The following SRGAP1 variants were observed in gnomAD, a reference collection of about 807,000 sequenced individuals.
The protein encoded by SRGAP1 is SLIT-ROBO Rho GTPase-activating protein 1.
In SRGAP1, 43 loss-of-function variants were observed where a neutral mutation model predicts 121.9. The ratio of observed to expected loss-of-function variants is 0.35; its 90% CI spans 0.28 to 0.46. The LOEUF is 0.46. Among genes scored for constraint, SRGAP1 ranks in the 20% least tolerant of loss-of-function variants. The probability of loss-of-function intolerance (pLI) is 1.00; values close to 1 mark genes in which losing one functional copy is unlikely to be tolerated. For missense variants in SRGAP1, 1,102 were observed against 1,350.9 expected, an observed-to-expected ratio of 0.82 and a Z score of 2.89; for synonymous variants, 447 against 485.4, an observed-to-expected ratio of 0.92 and a Z score of 1.04.
intron 8 of SRGAP1, among the ~76,000 whole-genome samples, chr12:64,073,464 G>A (rs1234037723): frequency 6.6e-6 from 1 of 152,128 alleles, no homozygotes; most frequent in Non-Finnish European, 1.5e-5. Context: ...CAGATTTACA[G>A]ATTACAGTTG....
At chr12:63,998,928 A>G (rs1013603347) in intron 3 of SRGAP1, among the ~76,000 whole-genome samples, 10 of 152,186 alleles carry the variant, frequency 6.6e-5, no homozygotes, top group African/African-American at 2.2e-4. Context: ...GGGATACAGC[A>G]GTAACCAATA....
chr12:64,129,812 TA>T (rs1195747182), intron 21 of SRGAP1, among the ~76,000 whole-genome samples: 3 of 152,356 alleles, frequency 2.0e-5, no homozygotes, highest in African/African-American at 7.2e-5. Context: ...GATATTTTCC[TA>T]GTACAAGTGT....
chr12:63,932,266 G>A (rs1349800101), intron 1 of SRGAP1, among the ~76,000 whole-genome samples: 4 of 152,182 alleles, frequency 2.6e-5, no homozygotes, highest in Non-Finnish European at 5.9e-5. Context: ...GGACAACAGA[G>A]CTAGACTCTG....
intron 8 of SRGAP1, among the ~76,000 whole-genome samples, chr12:64,074,995 G>GCCA: frequency 6.6e-6 from 1 of 151,450 alleles, no homozygotes; most frequent in South Asian, 2.1e-4. Flanking sequence ...CATTACCAGA[G>GCCA]CCACATTTTG....
In SRGAP1 at chr12:64,067,080, T is replaced by C. The variant is rs114317127; in HGVS notation, c.1125+1861T>C. Among the ~76,000 whole-genome samples, 316 of 152,332 alleles carry C rather than the reference T, an allele frequency of 2.1e-3. 1 individual carries two copies. The highest frequency in any genetic ancestry group is 7.5e-3 in the African/African-American group (310 of 41,584). On this transcript the variant is annotated intron_variant, in intron 8 of 21. Transcript: ENST00000355086. ...CTCTGGCCCTGCACTGCCTCATGAA[T>C]TGAAGAGCTGGGGCATTTGAATCCT...
At chr12:64,016,689 C>T (rs2034410678) in intron 3 of SRGAP1, among the ~76,000 whole-genome samples, 1 of 152,146 alleles carries the variant, frequency 6.6e-6, no homozygotes, top group African/African-American at 2.4e-5. Flanking sequence ...AACCTGCTTA[C>T]TTTTTCTCTC....
At position 64,031,275 on chromosome 12, in the gene SRGAP1, A is replaced by C. The variant is rs1038900118; in HGVS notation, c.490-11515A>C. On this transcript the variant is annotated intron_variant, in intron 4 of 21. Coordinates refer to ENST00000355086, the MANE Select transcript of SRGAP1 (RefSeq NM_020762.4). ...GGAGGTTGCAGTGAGCCGAGATCAC[A>C]CCACTGCACTCCAGCCTGAGCGACA... is the stretch of plus-strand genomic sequence containing the variant. Among the ~76,000 whole-genome samples the C allele has an allele frequency of 6.2e-5, 9 of 144,922 alleles. No individual in the cohort carries two copies. The East Asian group carries it at 1.8e-3, about 29-fold the overall frequency.
rs765189176 is a variant in SRGAP1 at position 64,068,272 on chromosome 12, C to CAAA, written c.1125+3075_1125+3077dup. Among the ~76,000 whole-genome samples, 247 of 57,026 alleles carry CAAA rather than the reference C, an allele frequency of 4.3e-3. 4 individuals carry two copies. Among genetic ancestry groups the CAAA allele is most frequent in the African/African-American group, 0.01 (148 of 14,596 alleles). 37.4% of individuals were successfully genotyped at this position (57,026 alleles called of 152,430 possible). A position where few individuals can be genotyped will look rare whatever the true frequency, so the allele number is the denominator to read the frequency against. On this transcript the variant is annotated intron_variant, in intron 8 of 21. Coordinates refer to ENST00000355086, the MANE Select transcript of SRGAP1 (RefSeq NM_020762.4). ...TGGGCAACAGAGCAAAACTCTGTCTCAAAAAAAAAAAAAAAAAAAAAAAAG... is the reference window on the plus strand; with the variant it reads ...TGGGCAACAGAGCAAAACTCTGTCTCAAAAAAAAAAAAAAAAAAAAAAAAAAAG...
intron 4 of SRGAP1, among the ~76,000 whole-genome samples, chr12:64,037,398 C>G (rs1276394160): frequency 2.0e-5 from 3 of 152,156 alleles, no homozygotes; most frequent in Non-Finnish European, 4.4e-5. Context: ...TTCTTATTGT[C>G]CATTCCCTCT....
intron 1 of SRGAP1, among the ~76,000 whole-genome samples, chr12:63,857,536 C>A (rs997150442): frequency 6.6e-6 from 1 of 151,936 alleles, no homozygotes; most frequent in African/African-American, 2.4e-5. Flanking sequence ...TGTGCACCAC[C>A]ATACCTGGCA....
intron 4 of SRGAP1, among the ~76,000 whole-genome samples, chr12:64,036,002 AACTTGCCC>A (rs2034895327): frequency 6.6e-6 from 1 of 152,188 alleles, no homozygotes; most frequent in Non-Finnish European, 1.5e-5. Flanking sequence ...GGCATTAGGA[AACTTGCCC>A]ACTTAAGAAT....
intron 1 of SRGAP1, among the ~76,000 whole-genome samples, chr12:63,920,641 A>C (rs911346651): frequency 6.6e-6 from 1 of 152,200 alleles, no homozygotes; most frequent in African/African-American, 2.4e-5. Flanking sequence ...TGAGTTGGAT[A>C]TGCAGAAGTT....
chr12:63,844,939 C>G lies in SRGAP1; in HGVS notation c.67+56C>G. The G allele has an allele frequency of 6.6e-7, 1 of 1,524,900 alleles. No homozygotes were observed. Among genetic ancestry groups the G allele is most frequent in the South Asian group, 1.1e-5 (1 of 89,236 alleles). The allele number at this position is 1,524,900 out of a possible 1,614,324, so 94.5% of individuals were successfully genotyped here. ...TTGTGTGCCTTCTTGTCATTGTGCT[C>G]GTGGAGTTGCGTATCTAACTTGGTG... On this transcript the variant is annotated intron_variant, in intron 1 of 21. Coordinates refer to ENST00000355086, the MANE Select transcript of SRGAP1 (RefSeq NM_020762.4). This position sits in a 1 kb window ranked among gnomAD's most constrained non-coding sequence, Gnocchi z 4.3.
At chr12:63,941,676 GAAA>G (rs543399375) in intron 1 of SRGAP1, among the ~76,000 whole-genome samples, 2 of 117,508 alleles carry the variant, frequency 1.7e-5, no homozygotes, top group African/African-American at 2.9e-5. Context: ...ATGCCAGTTA[GAAA>G]AAAAAAAAAA....
chr12:63,858,587 T>A (rs138931049), intron 1 of SRGAP1, among the ~76,000 whole-genome samples: 1 of 152,344 alleles, frequency 6.6e-6, no homozygotes, highest in Non-Finnish European at 1.5e-5. Context: ...ACTGTTTATC[T>A]GAGTCTAATT....
intron 1 of SRGAP1, among the ~76,000 whole-genome samples, chr12:63,858,442 A>G (rs1241778591): frequency 6.6e-6 from 1 of 152,040 alleles, no homozygotes; most frequent in Non-Finnish European, 1.5e-5. Context: ...CGGCCTTTCA[A>G]AGTGCTGGGA....
intron 11 of SRGAP1, among the ~76,000 whole-genome samples, chr12:64,088,543 T>A (rs1422300143): frequency 6.6e-6 from 1 of 152,216 alleles, no homozygotes; most frequent in Non-Finnish European, 1.5e-5. Context: ...CAGGAAGTCA[T>A]GTGGTAGCCA....
chr12:63,900,606 A>T (rs901581946), intron 1 of SRGAP1, among the ~76,000 whole-genome samples: 1 of 151,932 alleles, frequency 6.6e-6, no homozygotes, highest in Non-Finnish European at 1.5e-5. Context: ...TGAGGCCAGG[A>T]GTTCGAGACC....
chr12:63,943,526 G>C (rs1055983237), intron 1 of SRGAP1, among the ~76,000 whole-genome samples: 1 of 152,202 alleles, frequency 6.6e-6, no homozygotes, highest in Non-Finnish European at 1.5e-5. Context: ...ATTTTTCCAA[G>C]GTTACATAGC....
Sources: gnomAD v4.1 joint callset for allele counts (sites outside exome capture counted in the v4.1 genomes callset) on GRCh38, gnomAD v4.1.1 for gene constraint, Gnocchi (gnomAD v3.1) non-coding constraint, MANE v1.5 for transcripts, NCBI Gene and HGNC (gene_info 2026-07-23, HGNC 2026-07-21) for gene names.